The following SNX29 variants were observed in gnomAD, a reference collection of about 807,000 sequenced individuals.
The protein encoded by SNX29 is sorting nexin-29.
A neutral mutation model predicts 102.1 loss-of-function variants in SNX29; 78 were observed. The observed-to-expected ratio is 0.76, with a 90% CI of 0.64 to 0.92. SNX29 has a LOEUF of 0.92. Among genes scored for constraint, SNX29 ranks in the 40% least tolerant of loss-of-function variants. The probability of loss-of-function intolerance (pLI) is 0.00; values close to 1 mark genes in which losing one functional copy is unlikely to be tolerated. For synonymous variants in SNX29, 580 were observed against 414.5 expected (o/e 1.40, Z -4.85); for missense variants, 1,280 against 1,061.7 (o/e 1.21, Z -2.86).
At chr16:12,342,100 A>G (rs950294625) in intron 15 of SNX29, among the ~76,000 whole-genome samples, 11 of 152,114 alleles carry the variant, frequency 7.2e-5, no homozygotes, top group African/African-American at 2.7e-4. Flanking sequence ...ACAGAAGAAG[A>G]TCACATTTGA....
chr16:12,376,822 C>T (rs1363590122), intron 16 of SNX29, among the ~76,000 whole-genome samples: 1 of 150,748 alleles, frequency 6.6e-6, no homozygotes, highest in Non-Finnish European at 1.5e-5. Context: ...CAATAACGTA[C>T]TTTGTTTCCC....
chr16:12,204,269 C>A (rs917451034), intron 14 of SNX29, among the ~76,000 whole-genome samples: 1 of 152,186 alleles, frequency 6.6e-6, no homozygotes, highest in Non-Finnish European at 1.5e-5. Context: ...CCGCCAGCCT[C>A]CCCTGCTCCT....
At chr16:12,539,536 C>T (rs939216112) in intron 20 of SNX29, among the ~76,000 whole-genome samples, 1 of 152,148 alleles carries the variant, frequency 6.6e-6, no homozygotes, top group African/African-American at 2.4e-5. Context: ...TTGAATAGAG[C>T]TAGTGGAAAC....
intron 11 of SNX29, 117 bp from the exon 12 acceptor site, chr16:12,126,516 G>A (rs1184639940): frequency 1.2e-5 from 13 of 1,063,822 alleles, no homozygotes; most frequent in Non-Finnish European, 1.7e-5. Flanking sequence ...TTTTTGAAAG[G>A]GAAAAGGGAA....
Position 12,547,721 on chromosome 16 carries a change from A to G in SNX29, c.2319-20785A>G, listed in dbSNP as rs8062271. On this transcript the variant is annotated intron_variant, in intron 20 of 20. Transcript: ENST00000566228. ...CTGTCTGGGATCTGCATAGCATGGC[A>G]CCCATCACTGCCCCTCTAAGCCTCC... is the stretch of plus-strand genomic sequence containing the variant. Among the ~76,000 whole-genome samples the G allele has an allele frequency of 8.8e-3, 1,333 of 151,976 alleles. 22 individuals are homozygous for G. The highest frequency in any genetic ancestry group is 0.031 in the African/African-American group (1,286 of 41,442).
intron 14 of SNX29, among the ~76,000 whole-genome samples, chr16:12,245,820 G>A (rs1282812054): frequency 6.6e-6 from 1 of 151,962 alleles, no homozygotes; most frequent in Admixed American, 6.6e-5. Flanking sequence ...GAGATGAAGT[G>A]CTTGAGACAC....
rs527432309 is a variant in SNX29 at position 12,574,188 on chromosome 16, C to A, written c.*5559C>A. The A allele has an allele frequency of 2.7e-4, 49 of 178,954 alleles. No homozygotes were observed. The highest frequency in any genetic ancestry group is 1.1e-3 in the African/African-American group (47 of 42,408). 11.1% of individuals were successfully genotyped at this position (178,954 alleles called of 1,614,324 possible). A position where few individuals can be genotyped will look rare whatever the true frequency, so the allele number is the denominator to read the frequency against. ...TTAAGATCTCTTGTATTAAAATTTT[C>A]TTTTGGAATAAGCTGTGGAAATTTT... is the stretch of plus-strand genomic sequence containing the variant. On this transcript the variant is annotated 3_prime_UTR_variant, in exon 21 of 21. Transcript: ENST00000566228.
intron 19 of SNX29, among the ~76,000 whole-genome samples, chr16:12,481,870 T>A (rs2087952499): frequency 6.6e-6 from 1 of 152,188 alleles, no homozygotes; most frequent in African/African-American, 2.4e-5. Context: ...ATTCCTTCTT[T>A]CTTTTTCTGT....
intron 20 of SNX29, among the ~76,000 whole-genome samples, chr16:12,547,099 C>A (rs1794317): frequency 6.6e-6 from 1 of 152,146 alleles, no homozygotes; most frequent in Non-Finnish European, 1.5e-5. Flanking sequence ...GTGGCGATTT[C>A]CAGTGAAAAG....
chr16:12,013,503 ATATATATATATATATATAT>A lies in SNX29; in HGVS notation c.122+10461_122+10479del, dbSNP rs2056741416. ...TCTACTGGGGGAAAAAAAAAAAAATATATATATATATATATATATATATATATATATATATATATCGAGA... is the reference window on the plus strand; with the variant it reads ...TCTACTGGGGGAAAAAAAAAAAAATAATATATATATATATATATATCGAGA... On this transcript the variant is annotated intron_variant, in intron 3 of 20. Transcript: ENST00000566228. Among the ~76,000 whole-genome samples, 127 of 56,628 alleles carry A rather than the reference ATATATATATATATATATAT, an allele frequency of 2.2e-3. 14 individuals are homozygous for A. Among genetic ancestry groups the A allele is most frequent in the South Asian group, 0.014 (20 of 1,476 alleles). 37.2% of individuals were successfully genotyped at this position (56,628 alleles called of 152,430 possible). A position where few individuals can be genotyped will look rare whatever the true frequency, so the allele number is the denominator to read the frequency against.
chr16:12,213,901 A>G (rs2077252867), intron 14 of SNX29, among the ~76,000 whole-genome samples: 1 of 152,188 alleles, frequency 6.6e-6, no homozygotes, highest in African/African-American at 2.4e-5. Flanking sequence ...GGCAGCCAGG[A>G]GTCCCTGCTG....
chr16:12,497,135 A>G (rs1489090760), intron 19 of SNX29, among the ~76,000 whole-genome samples: 4 of 152,214 alleles, frequency 2.6e-5, no homozygotes. Flanking sequence ...AGAGGACTGA[A>G]CAACAAGGGC....
chr16:12,124,350 C>T (rs1441807678), intron 11 of SNX29, among the ~76,000 whole-genome samples: 4 of 121,390 alleles, frequency 3.3e-5, no homozygotes, highest in African/African-American at 7.6e-5. Flanking sequence ...AGTGGGACTC[C>T]GTCTCAAAAA....
At chr16:12,515,822 C>G (rs1370241844) in intron 19 of SNX29, among the ~76,000 whole-genome samples, 8 of 152,082 alleles carry the variant, frequency 5.3e-5, no homozygotes. Context: ...GTGAACCATG[C>G]AGGAGCCAGC....
chr16:12,550,309 G>C (rs759556199), intron 20 of SNX29, among the ~76,000 whole-genome samples: 5 of 152,172 alleles, frequency 3.3e-5, no homozygotes, highest in Non-Finnish European at 5.9e-5. Context: ...GGCCAAGGTG[G>C]TTGGGTCACC....
chr16:12,416,498 G>A (rs140911112), intron 18 of SNX29, among the ~76,000 whole-genome samples: 13 of 152,308 alleles, frequency 8.5e-5, no homozygotes, highest in Non-Finnish European at 1.6e-4. Context: ...TTACAAAACA[G>A]ATACATGTAG....
Position 12,559,392 on chromosome 16 carries a change from C to A in SNX29, c.2319-9114C>A, listed in dbSNP as rs545468267. Among the ~76,000 whole-genome samples the A allele has an allele frequency of 3.3e-5, 5 of 151,442 alleles. No individual in the cohort carries two copies. The East Asian group carries it at 7.7e-4, about 23-fold the overall frequency. On this transcript the variant is annotated intron_variant, in intron 20 of 20. Transcript: ENST00000566228. Reference sequence around the variant, plus strand: ...CTGATGATCTCTCACCCTCTCCCATCGCCCCCTGAAGGGACCATCTAGTTG... The same window carrying A: ...CTGATGATCTCTCACCCTCTCCCATAGCCCCCTGAAGGGACCATCTAGTTG...
chr16:12,550,910 G>A (rs1310689764), intron 20 of SNX29, among the ~76,000 whole-genome samples: 1 of 152,132 alleles, frequency 6.6e-6, no homozygotes, highest in Non-Finnish European at 1.5e-5. Context: ...CAGAATTGCT[G>A]GTTTTATTTA....
At chr16:12,474,775 C>A (rs1257860372) in intron 18 of SNX29, among the ~76,000 whole-genome samples, 1 of 152,178 alleles carries the variant, frequency 6.6e-6, no homozygotes, top group Non-Finnish European at 1.5e-5. Flanking sequence ...GATCTCTCTC[C>A]CACTTCCGTG....
Sources: allele counts gnomAD v4.1 joint callset (sites outside exome capture counted in the v4.1 genomes callset), GRCh38; gene constraint gnomAD v4.1.1; transcripts MANE v1.5; gene names NCBI Gene and HGNC (gene_info 2026-07-23, HGNC 2026-07-21).